Variants in ST3GAL1 observed in about 807,000 individuals in gnomAD.
ST3GAL1 encodes CMP-N-acetylneuraminate-beta-galactosamide-alpha-2,3-sialyltransferase 1.
Under a neutral mutation model 34.1 loss-of-function variants are expected in ST3GAL1, and 16 were observed. The observed-to-expected ratio is 0.47, with a 90% confidence interval of 0.32 to 0.71. The LOEUF (loss-of-function observed/expected upper bound fraction) is 0.71, where lower values mean the gene tolerates loss of function less well. Among genes scored for constraint, ST3GAL1 ranks in the 30% least tolerant of loss-of-function variants. The pLI is 0.04. For synonymous variants in ST3GAL1, 191 were observed against 184.7 expected (o/e 1.03, Z -0.28); for missense variants, 353 against 447.4 (o/e 0.79, Z 1.90).
chr8:133,552,722 T>C (rs1363881532), intron 1 of ST3GAL1, among the ~76,000 whole-genome samples: 1 of 152,214 alleles, frequency 6.6e-6, no homozygotes, highest in Non-Finnish European at 1.5e-5. Flanking sequence ...TGAAATGGGC[T>C]CAACACATGG....
At chr8:133,472,090 G>C (rs72718267) in intron 5 of ST3GAL1, among the ~76,000 whole-genome samples, 13,574 of 151,978 alleles carry the variant, frequency 0.089, 657 homozygotes, top group Admixed American at 0.16. Flanking sequence ...GGTCACAGGG[G>C]TCAGTAGGTC....
intron 8 of ST3GAL1, among the ~76,000 whole-genome samples, chr8:133,462,718 C>T (rs1488954590): frequency 6.6e-6 from 1 of 152,168 alleles, no homozygotes; most frequent in Non-Finnish European, 1.5e-5. Flanking sequence ...TCAGTGTGGC[C>T]TCCTACCATC....
At chr8:133,484,510 C>T (rs966543875) in intron 3 of ST3GAL1, among the ~76,000 whole-genome samples, 13 of 152,154 alleles carry the variant, frequency 8.5e-5, no homozygotes, top group Admixed American at 5.2e-4. Context: ...TTCCTCCCTC[C>T]TTCCTTCCCT....
At chr8:133,493,441 C>A (rs2130982000) in intron 3 of ST3GAL1, among the ~76,000 whole-genome samples, 1 of 152,238 alleles carries the variant, frequency 6.6e-6, no homozygotes, top group Admixed American at 6.5e-5. Context: ...GGCTGAGCAT[C>A]CTGGGGTGGG....
intron 7 of ST3GAL1, 36 bp from the exon 8 acceptor site, chr8:133,463,495 A>G: frequency 6.2e-7 from 1 of 1,611,436 alleles, no homozygotes; most frequent in Non-Finnish European, 8.5e-7. Flanking sequence ...TTAATGGGGC[A>G]GGGGACAGGC....
chr8:133,569,822 C>T (rs1016997274), intron 1 of ST3GAL1, among the ~76,000 whole-genome samples: 5 of 152,218 alleles, frequency 3.3e-5, no homozygotes, highest in South Asian at 4.1e-4. Flanking sequence ...AGCCTCTGGG[C>T]GCTTGGGCAG....
At chr8:133,468,930 C>T (rs1451527911) in intron 5 of ST3GAL1, among the ~76,000 whole-genome samples, 2 of 152,188 alleles carry the variant, frequency 1.3e-5, no homozygotes, top group Non-Finnish European at 2.9e-5. Context: ...GCAAGGGCTG[C>T]TGTGCCCCTT....
At chr8:133,482,331 T>C (rs10110481) in intron 3 of ST3GAL1, among the ~76,000 whole-genome samples, 97,232 of 152,070 alleles carry the variant, frequency 0.64, 31,898 homozygotes, top group Non-Finnish European at 0.73. Flanking sequence ...TTCTTTGCCT[T>C]TCCATGTTCC....
chr8:133,479,904 G>A (rs968285719), intron 3 of ST3GAL1, among the ~76,000 whole-genome samples: 8 of 152,200 alleles, frequency 5.3e-5, no homozygotes, highest in African/African-American at 1.4e-4. Flanking sequence ...CTGGCTGCAG[G>A]GAAGAAACCA....
intron 1 of ST3GAL1, among the ~76,000 whole-genome samples, chr8:133,552,651 G>T (rs1818895825): frequency 6.6e-6 from 1 of 152,150 alleles, no homozygotes; most frequent in Non-Finnish European, 1.5e-5. Flanking sequence ...AAGAACTTTG[G>T]GCAGGAAGCA....
Position 133,494,913 on chromosome 8 carries a change from C to CTTTTTTT in ST3GAL1, c.-374+4215_-374+4221dup, listed in dbSNP as rs34975583. The stretch of plus-strand genomic sequence containing the variant: ...TCGGCCTCTGCGTTTTTCCTCTATT[C>CTTTTTTT]TTTTTTTTTTTTTTTTTTTTTTTGA... On this transcript the variant is annotated intron_variant, in intron 3 of 9. Transcript: ENST00000522652. 1.8e-3 allele frequency among the ~76,000 whole-genome samples: 181 copies of CTTTTTTT among 100,710 alleles called. 1 individual carries two copies. The highest frequency in any genetic ancestry group is 7.6e-3 in the East Asian group (24 of 3,168). 66.1% of individuals were successfully genotyped at this position (100,710 alleles called of 152,430 possible). A position where few individuals can be genotyped will look rare whatever the true frequency, so the allele number is the denominator to read the frequency against.
At chr8:133,488,069 C>G (rs898123433) in intron 3 of ST3GAL1, 4 of 151,898 alleles carry the variant, frequency 2.6e-5, no homozygotes, top group African/African-American at 9.7e-5. Flanking sequence ...AGGAATCACA[C>G]AAAAGACCAG....
In ST3GAL1 at chr8:133,469,229, T is replaced by C. The variant is rs7834983; in HGVS notation, c.307-3139A>G. Among the ~76,000 whole-genome samples, 21,359 of 152,056 alleles carry C rather than the reference T, an allele frequency of 0.14. 2,729 individuals carry two copies. Among genetic ancestry groups the C allele is most frequent in the East Asian group, 0.58 (2,978 of 5,154 alleles). The stretch of plus-strand genomic sequence containing the variant: ...TTGATTGATTGATTGATTGATTTGA[T>C]TTGATTTGATATGGAGTCTCACTCT... On this transcript the variant is annotated intron_variant, in intron 5 of 9. Transcript: ENST00000522652. The surrounding 1 kb of genome is among the most constrained non-coding windows in gnomAD (Gnocchi z 4.3).
At chr8:133,481,734 G>A (rs1205385955) in intron 3 of ST3GAL1, among the ~76,000 whole-genome samples, 4 of 151,910 alleles carry the variant, frequency 2.6e-5, no homozygotes, top group Non-Finnish European at 4.4e-5. Context: ...GACCTCAGGC[G>A]ATCCACCCAC....
chr8:133,485,725 C>G (rs1816562207), intron 3 of ST3GAL1, among the ~76,000 whole-genome samples: 2 of 152,078 alleles, frequency 1.3e-5, no homozygotes, highest in African/African-American at 2.4e-5. Flanking sequence ...GGTGTTCTTC[C>G]CATTCCCAGG....
chr8:133,551,571 AAAGAAAGAAAG>A (rs1818853583), intron 1 of ST3GAL1, among the ~76,000 whole-genome samples: 1 of 149,572 alleles, frequency 6.7e-6, no homozygotes, highest in South Asian at 2.1e-4. Flanking sequence ...AGAAAGAAAG[AAAGAAAGAAAG>A]AAAGAAAGAA....
intron 2 of ST3GAL1, among the ~76,000 whole-genome samples, chr8:133,504,405 A>ATCAGCTTTTCTTTGAGTCATTTCAAAAC: frequency 6.6e-6 from 1 of 152,234 alleles, no homozygotes; most frequent in African/African-American, 2.4e-5. Flanking sequence ...ATCCAATCCA[A>ATCAGCTTTTCTTTGAGTCATTTCAAAAC]TCAGCTTTTC....
intron 2 of ST3GAL1, among the ~76,000 whole-genome samples, chr8:133,530,523 T>G (rs1818121158): frequency 6.6e-6 from 1 of 152,192 alleles, no homozygotes; most frequent in African/African-American, 2.4e-5. Flanking sequence ...CCTCAGGTGA[T>G]CCACTCGCCT....
At chr8:133,557,385 A>G (rs1819074192) in intron 1 of ST3GAL1, among the ~76,000 whole-genome samples, 1 of 152,176 alleles carries the variant, frequency 6.6e-6, no homozygotes, top group African/African-American at 2.4e-5. Flanking sequence ...GCAGGAGGGC[A>G]CAGAAGGCAT....
Sources: allele counts gnomAD v4.1 joint callset (sites outside exome capture counted in the v4.1 genomes callset), GRCh38; gene constraint gnomAD v4.1.1; non-coding constraint Gnocchi (gnomAD v3.1); transcripts MANE v1.5; gene names NCBI Gene and HGNC (gene_info 2026-07-23, HGNC 2026-07-21).